C1RL: variants seen among roughly 807,000 people sequenced by gnomAD.
C1RL encodes the protein complement C1r subcomponent like.
Under a neutral mutation model 27.9 loss-of-function variants are expected in C1RL, and 27 were observed. The observed-to-expected ratio is 0.97, with a 90% CI of 0.71 to 1.33. The LOEUF (loss-of-function observed/expected upper bound fraction) is 1.33. Ranked by LOEUF, C1RL falls within the 40% of genes most tolerant of loss-of-function variation. The pLI is 0.00. For missense variants in C1RL, 563 were observed against 623.9 expected (o/e 0.90, Z 1.04); for synonymous variants, 248 against 252.1 (o/e 0.98, Z 0.15).
Position 7,102,090 on chromosome 12 carries a change from G to C in C1RL, c.301-3C>G, listed in dbSNP as rs191448232. The C allele has an allele frequency of 9.5e-3, 15,178 of 1,600,986 alleles. 86 individuals are homozygous for C. Among genetic ancestry groups the C allele is most frequent in the Non-Finnish European group, 0.011 (13,203 of 1,169,126 alleles). On this transcript the variant is annotated splice_polypyrimidine_tract_variant and splice_region_variant and intron_variant, in intron 2 of 5. Coordinates refer to ENST00000266542, the MANE Select transcript of C1RL (RefSeq NM_016546.4). ...GGATCCGAACCGACGAATGAGATCT[G>C]AAAGCGGGAGGAGGAGTGAGGCTGC...
In C1RL at chr12:7,096,912, C is replaced by T. The variant is rs773730603; in HGVS notation, c.943G>A (p.Gly315Arg). 6.2e-7 allele frequency: 1 copy of T among 1,603,098 alleles called. No homozygotes were observed. The highest frequency in any genetic ancestry group is 8.5e-7 in the Non-Finnish European group (1 of 1,172,890). The change falls in exon 6 of 6, where the codon GGG becomes AGG. Residue 315 changes from glycine (G) to arginine (R), a missense_variant. By Grantham distance (125) the Gly-to-Arg change is moderately radical. Transcript: ENST00000266542. Reference protein sequence around the residue: ...HTAIDEMLKLGNHPVHRVVVH... With the variant: ...HTAIDEMLKLRNHPVHRVVVH... Reference sequence around the variant, plus strand: ...ACGACACGGTGGACAGGGTGGTTCCCCAGTTTCAGCATCTCATCTATGGCT... The same window carrying T: ...ACGACACGGTGGACAGGGTGGTTCCTCAGTTTCAGCATCTCATCTATGGCT...
Position 7,096,488 on chromosome 12 carries a change from A to G in C1RL, c.1367T>C (p.Val456Ala). 6.2e-7 allele frequency: 1 copy of G among 1,614,150 alleles called. No individual in the cohort carries two copies. The highest frequency in any genetic ancestry group is 8.5e-7 in the Non-Finnish European group (1 of 1,180,024). ...TTCGCCACACCCTATGCCCCAGGAC[A>G]CAATGCCCGTGGCCACCCAGTGATG... Reference protein sequence around the residue: ...HAHHWVATGIVSWGIGCGEGY... With the variant: ...HAHHWVATGIASWGIGCGEGY... The change falls in exon 6 of 6, where the codon GTG becomes GCG. Residue 456 changes from valine to alanine, a missense_variant. Physicochemically the swap from Val to Ala is moderately conservative, Grantham distance 64. Coordinates refer to ENST00000266542, the MANE Select transcript of C1RL (RefSeq NM_016546.4).
intron 3 of C1RL, among the ~76,000 whole-genome samples, chr12:7,101,073 CTTT>C: frequency 6.7e-6 from 1 of 149,812 alleles, no homozygotes; most frequent in African/African-American, 2.5e-5. Flanking sequence ...CCCTTCCTTC[CTTT>C]CCTTCCTTCC....
At chr12:7,106,126 T>C (rs1481971491) in intron 2 of C1RL, among the ~76,000 whole-genome samples, 1 of 152,162 alleles carries the variant, frequency 6.6e-6, no homozygotes, top group Non-Finnish European at 1.5e-5. Context: ...GACATCATAA[T>C]GAAAGTCCAG....
chr12:7,096,785 G>A lies in C1RL; in HGVS notation c.1070C>T (p.Pro357Leu), dbSNP rs756055186. The change falls in exon 6 of 6, where the codon CCG (proline) becomes CTG (leucine). Residue 357 changes from proline to leucine, a missense_variant. By Grantham distance (98) the Pro-to-Leu change is moderately conservative (BLOSUM62 -3). Transcript: ENST00000266542. Reference sequence around the variant, plus strand: ...GGTCTCATTATCGGGCAGACAGACCGGGAGGACGTTGGGGCCCAGGGGGAT... The same window carrying A: ...GGTCTCATTATCGGGCAGACAGACCAGGAGGACGTTGGGGCCCAGGGGGAT... ...HSIPLGPNVL[P>L]VCLPDNETLY... 5.0e-5 allele frequency: 80 copies of A among 1,605,592 alleles called. No homozygotes were observed. Among genetic ancestry groups the A allele is most frequent in the Non-Finnish European group, 6.0e-5 (70 of 1,175,330 alleles).
Position 7,095,080 on chromosome 12 carries a change from T to C in C1RL, c.*1311A>G, listed in dbSNP as rs1166225264. ...TTATTTTCTATTTCCATTGAACAGT[T>C]GTATTTTATTTGTGTCTTTCACTGT... On this transcript the variant is annotated 3_prime_UTR_variant, in exon 6 of 6. Transcript: ENST00000266542. 26 of 1,201,356 alleles carry C rather than the reference T, an allele frequency of 2.2e-5. No individual in the cohort carries two copies. Among genetic ancestry groups the C allele is most frequent in the Non-Finnish European group, 2.3e-5 (22 of 954,270 alleles). 74.4% of individuals were successfully genotyped at this position (1,201,356 alleles called of 1,614,324 possible). A position where few individuals can be genotyped will look rare whatever the true frequency, so the allele number is the denominator to read the frequency against.
At chr12:7,097,292 T>C (rs1366166481) in intron 5 of C1RL, 129 bp from the exon 6 acceptor site, 10 of 858,542 alleles carry the variant, frequency 1.2e-5, no homozygotes, top group Admixed American at 9.7e-5. Flanking sequence ...CGTTTTTTTT[T>C]TTTTTTTGAT....
intron 5 of C1RL, among the ~76,000 whole-genome samples, chr12:7,099,047 A>G (rs1938532133): frequency 6.8e-6 from 1 of 147,870 alleles, no homozygotes. Context: ...AATACAAAAA[A>G]AAAAAAAAAA....
Position 7,095,590 on chromosome 12 carries a change from C to T in C1RL, c.*801G>A, listed in dbSNP as rs1180911338. ...AGTGTGAGCTAGAGGATACCATTTTCGCAGAAGCAGGAATTCCCAGGGAGG... is the reference window on the plus strand; with the variant it reads ...AGTGTGAGCTAGAGGATACCATTTTTGCAGAAGCAGGAATTCCCAGGGAGG... On this transcript the variant is annotated 3_prime_UTR_variant, in exon 6 of 6. Coordinates refer to ENST00000266542, the MANE Select transcript of C1RL (RefSeq NM_016546.4). 3 of 985,594 alleles carry T rather than the reference C, an allele frequency of 3.0e-6. No homozygotes were observed. The highest frequency in any genetic ancestry group is 3.6e-6 in the Non-Finnish European group (3 of 830,188). The allele number at this position is 985,594 out of a possible 1,614,324, so 61.1% of individuals were successfully genotyped here.
rs752632053 is a variant in C1RL, at chr12:7,101,961, G to C, written c.427C>G (p.Pro143Ala). The C allele has an allele frequency of 5.6e-6, 9 of 1,614,128 alleles. No homozygotes were observed. In the East Asian group the frequency reaches 1.8e-4, roughly 32 times the overall value. The change falls in exon 3 of 6, where the codon CCT (proline) becomes GCT (alanine). Residue 143 changes from proline (P) to alanine (A), a missense_variant. Pro to Ala is a conservative substitution (Grantham distance 27). Transcript: ENST00000266542. ...TGGGCAGTCTTGTTCTCCGAGGAAG[G>C]CTGTGTGCGGAAGGTCAGCCGCAAA... Reference protein sequence around the residue: ...RSLRLTFRTQPSSENKTAHLH... With the variant: ...RSLRLTFRTQASSENKTAHLH...
At chr12:7,102,771 G>T (rs943154539) in intron 2 of C1RL, among the ~76,000 whole-genome samples, 1 of 152,226 alleles carries the variant, frequency 6.6e-6, no homozygotes, top group Non-Finnish European at 1.5e-5. Context: ...GCACTGGATG[G>T]TGTTGCTTCA....
chr12:7,105,594 A>G (rs1301555487), intron 2 of C1RL, among the ~76,000 whole-genome samples: 1 of 152,192 alleles, frequency 6.6e-6, no homozygotes, highest in Non-Finnish European at 1.5e-5. Context: ...ACAGCCAAGT[A>G]TTATCAGATA....
intron 1 of C1RL, 169 bp from the exon 2 acceptor site, chr12:7,108,648 C>T (rs1938839022): frequency 3.4e-6 from 2 of 593,902 alleles, no homozygotes; most frequent in Non-Finnish European, 3.0e-6. Flanking sequence ...TCCCTTGCTC[C>T]CCTTCCTCAC....
chr12:7,096,832 G>A lies in C1RL; in HGVS notation c.1023C>T (p.Ala341=). 3.7e-6 allele frequency: 6 copies of A among 1,604,422 alleles called. No homozygotes were observed. The highest frequency in any genetic ancestry group is 3.4e-6 in the Non-Finnish European group (4 of 1,174,510). Reference sequence around the variant, plus strand: ...GGATGCTGTGCTGCAGCTCCAGGAGGGCGATGTCCCCGCTAAAGTTATGGG... The same window carrying A: ...GGATGCTGTGCTGCAGCTCCAGGAGAGCGATGTCCCCGCTAAAGTTATGGG... ...NESHNFSGDI[A]LLELQHSIPL... is the part of the protein sequence containing the mutation. Residue 341 remains alanine (A), a synonymous_variant, in exon 6 of 6, where the codon GCC becomes GCT. Transcript: ENST00000266542.
At position 7,095,081 on chromosome 12, in the gene C1RL, G is replaced by C; in HGVS notation, c.*1310C>G. On this transcript the variant is annotated 3_prime_UTR_variant, in exon 6 of 6. Transcript: ENST00000266542. ...TATTTTCTATTTCCATTGAACAGTT[G>C]TATTTTATTTGTGTCTTTCACTGTA... The C allele has an allele frequency of 8.3e-7, 1 of 1,198,346 alleles. No homozygotes were observed. The highest frequency in any genetic ancestry group is 3.7e-4 in the Middle Eastern group (1 of 2,710). 74.2% of individuals were successfully genotyped at this position (1,198,346 alleles called of 1,614,324 possible).
At chr12:7,101,481 G>GGGATA (rs1938624860) in intron 3 of C1RL, 1 of 209,612 alleles carries the variant, frequency 4.8e-6, no homozygotes, top group South Asian at 1.0e-4. Flanking sequence ...TGTTGCCCAG[G>GGGATA]CTGGTCTCCA....
intron 2 of C1RL, among the ~76,000 whole-genome samples, chr12:7,105,691 G>C (rs1938748854): frequency 6.6e-6 from 1 of 152,174 alleles, no homozygotes; most frequent in Admixed American, 6.5e-5. Context: ...CCACTATAGA[G>C]AACAGAAGAA....
chr12:7,107,362 G>T (rs1323649141), intron 2 of C1RL, among the ~76,000 whole-genome samples: 2 of 152,016 alleles, frequency 1.3e-5, no homozygotes, highest in Non-Finnish European at 2.9e-5. Context: ...TAGAGATGGG[G>T]TCTTGCTATG....
intron 2 of C1RL, among the ~76,000 whole-genome samples, chr12:7,103,330 A>G (rs1938675590): frequency 1.3e-5 from 2 of 152,208 alleles, no homozygotes; most frequent in Admixed American, 1.3e-4. Context: ...TGGACACAGG[A>G]CTGAGTCCTA....
Sources: gnomAD v4.1 joint callset for allele counts (sites outside exome capture counted in the v4.1 genomes callset) on GRCh38, gnomAD v4.1.1 for gene constraint, MANE v1.5 for transcripts, NCBI Gene and HGNC (gene_info 2026-07-23, HGNC 2026-07-21) for gene names.